ATP11C: variants seen among roughly 807,000 people sequenced by gnomAD.
The protein encoded by ATP11C is phospholipid-transporting ATPase IG.
In ATP11C, 36 loss-of-function variants were observed where a neutral mutation model predicts 97.4. That is an observed-to-expected ratio of 0.37 (90% CI 0.28 to 0.49). The LOEUF is 0.49. Among genes scored for constraint, ATP11C ranks in the 20% least tolerant of loss-of-function variants. ATP11C has a pLI of 0.98. For synonymous variants in ATP11C, 275 were observed against 290.9 expected (o/e 0.95, Z 0.56); for missense variants, 730 against 824.6 (o/e 0.89, Z 1.40).
At chrX:139,757,744 T>C in intron 23 of ATP11C, 64 bp downstream of exon 23, 2 of 799,390 alleles carry the variant, frequency 2.5e-6, no homozygotes, top group East Asian at 6.8e-5. Context: ...AAATCTAATA[T>C]ATAAGGGTAA....
intron 1 of ATP11C, among the ~76,000 whole-genome samples, chrX:139,865,262 T>C (rs1250674212): frequency 1.8e-5 from 2 of 111,406 alleles, no homozygotes; most frequent in East Asian, 5.7e-4. Context: ...TCCCAGCTAC[T>C]TGGGAGGCTC....
rs559527048 is a variant in ATP11C at position 139,926,054 on chromosome X, T to C, written c.27+5962A>G. 7.5e-4 allele frequency among the ~76,000 whole-genome samples: 84 copies of C among 111,871 alleles called. 3 individuals carry two copies. The South Asian group carries it at 0.03, about 40-fold the overall frequency. On this transcript the variant is annotated intron_variant, in intron 1 of 29. Coordinates refer to ENST00000682941, the MANE Select transcript of ATP11C (RefSeq NM_001353812.2). ...TCATTAAGCTGCAGCAGTGTTAACATATGCTGCAGTTGTGCCAGTATGTTT... is the reference window on the plus strand; with the variant it reads ...TCATTAAGCTGCAGCAGTGTTAACACATGCTGCAGTTGTGCCAGTATGTTT...
At chrX:139,885,801 A>C (rs2084631508) in intron 1 of ATP11C, among the ~76,000 whole-genome samples, 1 of 111,684 alleles carries the variant, frequency 9.0e-6, no homozygotes, top group Non-Finnish European at 1.9e-5. Flanking sequence ...ATTACTTAAA[A>C]AACAACAGCA....
chrX:139,795,696 C>T (rs746954298), intron 12 of ATP11C, among the ~76,000 whole-genome samples: 1 of 111,920 alleles, frequency 8.9e-6, no homozygotes, highest in East Asian at 2.8e-4. Flanking sequence ...AAAATAAATG[C>T]ACCTGGGTTA....
At chrX:139,737,787 A>C in intron 28 of ATP11C, 129 bp downstream of exon 28, 1 of 702,507 alleles carries the variant, frequency 1.4e-6, no homozygotes, top group Non-Finnish European at 2.3e-6. Flanking sequence ...GAGGAAATTA[A>C]GTGATGAACC....
chrX:139,811,119 T>C (rs2083166194), intron 5 of ATP11C, among the ~76,000 whole-genome samples: 1 of 111,482 alleles, frequency 9.0e-6, no homozygotes, highest in Admixed American at 9.6e-5. Context: ...GCATGACATA[T>C]GATTGAGAGG....
At chrX:139,769,588 T>C (rs930192157) in intron 19 of ATP11C, among the ~76,000 whole-genome samples, 1 of 109,175 alleles carries the variant, frequency 9.2e-6, no homozygotes, top group African/African-American at 3.3e-5. Context: ...AAGAAAAATA[T>C]AGTGTAAAAC....
Position 139,803,372 on chromosome X carries a change from C to T in ATP11C, c.556-1033G>A, listed in dbSNP as rs755140077. On this transcript the variant is annotated intron_variant, in intron 6 of 29. Transcript: ENST00000682941. The stretch of plus-strand genomic sequence containing the variant: ...AAAGGTTCTTTTTTACATACTGAGT[C>T]GTAGTCCTCAACTCCAGATGGAATA... Among the ~76,000 whole-genome samples, 238 of 111,184 alleles carry T rather than the reference C, an allele frequency of 2.1e-3. 1 individual carries two copies. The highest frequency in any genetic ancestry group is 3.9e-3 in the Non-Finnish European group (208 of 53,047).
intron 18 of ATP11C, among the ~76,000 whole-genome samples, chrX:139,775,187 G>T (rs967683604): frequency 9.0e-6 from 1 of 111,454 alleles, no homozygotes; most frequent in Non-Finnish European, 1.9e-5. Context: ...TGACACCTTG[G>T]GTAACTGGTA....
chrX:139,782,123 G>A (rs761359127), intron 18 of ATP11C, among the ~76,000 whole-genome samples: 54 of 110,123 alleles, frequency 4.9e-4, no homozygotes, highest in African/African-American at 1.7e-3. Flanking sequence ...TCAGGAGATC[G>A]AAACCATCCT....
At chrX:139,800,970 A>AT (rs2082914866) in intron 7 of ATP11C, among the ~76,000 whole-genome samples, 1 of 112,304 alleles carries the variant, frequency 8.9e-6, no homozygotes, top group African/African-American at 3.2e-5. Flanking sequence ...AGCAAAAAAG[A>AT]AATGGCTCCT....
Position 139,902,422 on chromosome X carries a change from T to C in ATP11C, c.27+29594A>G, listed in dbSNP as rs6635924. On this transcript the variant is annotated intron_variant, in intron 1 of 29. Transcript: ENST00000682941. ...GGTTCACACTGATATGACTATGTAGTTCCTGCCAAGGGAGGACTACACTAA... is the reference window on the plus strand; with the variant it reads ...GGTTCACACTGATATGACTATGTAGCTCCTGCCAAGGGAGGACTACACTAA... 7.5e-4 allele frequency among the ~76,000 whole-genome samples: 84 copies of C among 111,405 alleles called. No homozygotes were observed. The East Asian group carries it at 0.022, about 29-fold the overall frequency.
At chrX:139,814,799 G>T in intron 5 of ATP11C, 79 bp downstream of exon 5, 1 of 550,694 alleles carries the variant, frequency 1.8e-6, no homozygotes, top group Non-Finnish European at 2.8e-6. Flanking sequence ...ACATTATAAA[G>T]TACTAAATGA....
chrX:139,915,957 G>T (rs145045311), intron 1 of ATP11C, among the ~76,000 whole-genome samples: 2,706 of 110,951 alleles, frequency 0.024, 51 homozygotes, highest in East Asian at 0.13. Flanking sequence ...TGGCCAGCAC[G>T]GTGGCTCACG....
At chrX:139,832,168 G>A in intron 1 of ATP11C, 3 of 1,209,051 alleles carry the variant, frequency 2.5e-6, no homozygotes, top group Non-Finnish European at 2.2e-6. Context: ...GAGGCTGGAG[G>A]GAGAGATGGG....
intron 1 of ATP11C, among the ~76,000 whole-genome samples, chrX:139,927,745 A>G (rs2085374474): frequency 1.0e-5 from 1 of 96,015 alleles, no homozygotes; most frequent in Admixed American, 1.1e-4. Flanking sequence ...AAAAAAAAGG[A>G]AAAAAAAAAA....
intron 26 of ATP11C, among the ~76,000 whole-genome samples, chrX:139,742,898 T>C (rs867062279): frequency 1.7e-4 from 12 of 69,854 alleles, no homozygotes; most frequent in African/African-American, 6.8e-4. Context: ...TATATATATA[T>C]ATATATATAT....
chrX:139,761,265 T>G (rs2082032088), intron 22 of ATP11C, among the ~76,000 whole-genome samples: 2 of 111,623 alleles, frequency 1.8e-5, no homozygotes, highest in Non-Finnish European at 3.8e-5. Context: ...AGTGAGACTC[T>G]GTCTTTAAGA....
At chrX:139,812,455 G>C (rs1182884909) in intron 5 of ATP11C, among the ~76,000 whole-genome samples, 1 of 110,899 alleles carries the variant, frequency 9.0e-6, no homozygotes, top group African/African-American at 3.3e-5. Flanking sequence ...AGAGGCCTTT[G>C]CCTGCTTTGC....
Sources: gnomAD v4.1 joint callset for allele counts (sites outside exome capture counted in the v4.1 genomes callset) on GRCh38, gnomAD v4.1.1 for gene constraint, MANE v1.5 for transcripts, NCBI Gene and HGNC (gene_info 2026-07-23, HGNC 2026-07-21) for gene names.